MACF1: variants seen among roughly 807,000 people sequenced by gnomAD.
The protein encoded by MACF1 is microtubule actin crosslinking factor 1, also known as microtubule-actin cross-linking factor 1.
A neutral mutation model predicts 854.8 loss-of-function variants in MACF1; 193 were observed. The ratio of observed to expected loss-of-function variants is 0.23; its 90% CI spans 0.20 to 0.25. MACF1 has a LOEUF of 0.25. MACF1 is among the 10% of genes least tolerant of loss of function. MACF1 has a pLI of 1.00. For synonymous variants in MACF1, 3,185 were observed against 3,226.7 expected, an observed-to-expected ratio of 0.99 and a Z score of 0.44; for missense variants, 7,722 against 8,929.1, an observed-to-expected ratio of 0.86 and a Z score of 5.45.
At chr1:39,150,778 C>T (rs952081076) in intron 2 of MACF1, among the ~76,000 whole-genome samples, 2 of 152,208 alleles carry the variant, frequency 1.3e-5, no homozygotes, top group Admixed American at 6.5e-5. Flanking sequence ...ACTCCATTCT[C>T]CTTAAAAGTT....
In MACF1 at chr1:39,315,572, T is replaced by G; in HGVS notation, c.3330T>G (p.Cys1110Trp). The G allele has an allele frequency of 6.2e-7, 1 of 1,614,174 alleles. No individual in the cohort carries two copies. Among genetic ancestry groups the G allele is most frequent in the Non-Finnish European group, 8.5e-7 (1 of 1,180,016 alleles). Residue 1110 changes from cysteine to tryptophan, a missense_variant, in exon 27 of 101, where the codon TGT (cysteine) becomes TGG (tryptophan). Physicochemically the swap from Cys to Trp is radical, Grantham distance 215 (BLOSUM62 -2). Around this residue, in one of 15 missense-constraint regions of MACF1, gnomAD observed 1,137 missense variants for 1,263.0 expected, o/e 0.90. Coordinates refer to ENST00000564288, the MANE Select transcript of MACF1 (RefSeq NM_001394062.1). ...ACTTGGATGCAGTTTCTATGAAATG[T>G]GACAGCTTTCTCCATCAGTCTCCAT... ...RSDLDAVSMKCDSFLHQSPSS... is the reference protein window; with the variant it reads ...RSDLDAVSMKWDSFLHQSPSS...
At chr1:39,407,000 A>T (rs1446250880) in intron 58 of MACF1, among the ~76,000 whole-genome samples, 1 of 152,204 alleles carries the variant, frequency 6.6e-6, no homozygotes, top group Non-Finnish European at 1.5e-5. Context: ...TAAGTATCAG[A>T]TCTGTAAGCT....
intron 58 of MACF1, chr1:39,411,226 T>G: frequency 6.2e-7 from 1 of 1,613,586 alleles, no homozygotes; most frequent in Non-Finnish European, 8.5e-7. Flanking sequence ...TGAGCTAAAG[T>G]TTGAGGAGGA....
chr1:39,361,308 G>A, intron 48 of MACF1, 52 bp from the exon 49 acceptor site: 1 of 1,555,210 alleles, frequency 6.4e-7, no homozygotes, highest in Non-Finnish European at 8.8e-7. Context: ...TTGTGGCTCA[G>A]ATGTCCTGGA....
At chr1:39,190,887 G>A (rs936223861) in intron 2 of MACF1, among the ~76,000 whole-genome samples, 1 of 152,092 alleles carries the variant, frequency 6.6e-6, no homozygotes, top group African/African-American at 2.4e-5. Context: ...CAGCTACTTG[G>A]GAGGCTGAGG....
chr1:39,440,921 G>A, intron 72 of MACF1, 82 bp from the exon 73 acceptor site: 1 of 1,396,816 alleles, frequency 7.2e-7, no homozygotes, highest in Non-Finnish European at 1.0e-6. Flanking sequence ...TGCTATTGAT[G>A]GGGTATAAAT....
Position 39,435,599 on chromosome 1 carries a change from C to T in MACF1, c.17826C>T (p.Asp5942=). The change falls in exon 70 of 101, where the codon GAC becomes GAT. Residue 5942 remains aspartate (D), a synonymous_variant. Transcript: ENST00000564288. ...ESIAEHKPHI[D]KLLKIGPQLK... ...TTGCTGAACACAAACCTCATATTGA[C>T]AAACTACTAAAGATAGGCCCACAAC... 6.2e-7 allele frequency: 1 copy of T among 1,614,066 alleles called. No homozygotes were observed.
intron 2 of MACF1, among the ~76,000 whole-genome samples, chr1:39,120,172 C>CTGTGCTCGGCTGGTAGTACTGTTAAG (rs1557465630): frequency 2.6e-5 from 4 of 151,952 alleles, no homozygotes; most frequent in African/African-American, 9.7e-5. Context: ...GCGTGAGCCA[C>CTGTGCTCGGCTGGTAGTACTGTTAAG]CGCACCTGGC....
chr1:39,161,895 T>A (rs77742057), intron 2 of MACF1, among the ~76,000 whole-genome samples: 4 of 143,506 alleles, frequency 2.8e-5, no homozygotes, highest in Admixed American at 2.1e-4. Context: ...TAAAATAAAT[T>A]AAAAAAAAAA....
At chr1:39,213,884 A>T (rs754909087) in intron 1 of MACF1, among the ~76,000 whole-genome samples, 6 of 152,180 alleles carry the variant, frequency 3.9e-5, no homozygotes, top group Non-Finnish European at 8.8e-5. Flanking sequence ...CAGCTGTGAG[A>T]ACCTTTATTA....
At chr1:39,430,633 C>A (rs1643863621) in intron 65 of MACF1, 69 bp from the exon 66 acceptor site, 4 of 1,254,548 alleles carry the variant, frequency 3.2e-6, no homozygotes, top group Non-Finnish European at 3.5e-6. Context: ...ATAGCAATTT[C>A]CACCCAGCAC....
chr1:39,324,223 G>A lies in MACF1; in HGVS notation c.4267G>A (p.Val1423Met), dbSNP rs755887615. ...KVVEEEKQEH[V>M]EKVKELLGWV... ...GGTAGAAGAGGAGAAACAAGAACAT[G>A]TGGAGAAGGTTAAAGAACTTTTGGG... Residue 1423 changes from valine (V) to methionine (M), a missense_variant, in exon 34 of 101, where the codon GTG becomes ATG. Around this residue, in one of 15 missense-constraint regions of MACF1, gnomAD observed 1,137 missense variants for 1,263.0 expected, o/e 0.90. Transcript: ENST00000564288. The A allele has an allele frequency of 6.2e-7, 1 of 1,611,208 alleles. No homozygotes were observed. Among genetic ancestry groups the A allele is most frequent in the South Asian group, 1.1e-5 (1 of 90,602 alleles).
chr1:39,158,820 C>T (rs1174272970), intron 2 of MACF1, among the ~76,000 whole-genome samples: 2 of 152,264 alleles, frequency 1.3e-5, no homozygotes, highest in East Asian at 1.9e-4. Context: ...TCTCTGGTGA[C>T]GTCACTTGTA....
At chr1:39,475,153 A>G (rs574071307) in intron 97 of MACF1, among the ~76,000 whole-genome samples, 3 of 152,332 alleles carry the variant, frequency 2.0e-5, no homozygotes, top group Admixed American at 6.5e-5. Flanking sequence ...ATGCCAAGTT[A>G]AAGCTCTCCC....
chr1:39,153,226 C>G (rs1168902408), intron 2 of MACF1, among the ~76,000 whole-genome samples: 1 of 152,118 alleles, frequency 6.6e-6, no homozygotes, highest in African/African-American at 2.4e-5. Context: ...TGATCTTTTC[C>G]TAGGTCCTCA....
At chr1:39,421,336 AT>A (rs1269155656) in intron 58 of MACF1, among the ~76,000 whole-genome samples, 1 of 152,256 alleles carries the variant, frequency 6.6e-6, no homozygotes, top group African/African-American at 2.4e-5. Flanking sequence ...AACGTGGATA[AT>A]ACAGTATCAT....
At chr1:39,468,793 T>A in intron 96 of MACF1, 61 bp downstream of exon 96, 1 of 1,433,274 alleles carries the variant, frequency 7.0e-7, no homozygotes, top group Admixed American at 1.7e-5. Context: ...TGATCTTTTA[T>A]GCTTACAGGA....
At chr1:39,416,016 C>T (rs565712937) in intron 58 of MACF1, among the ~76,000 whole-genome samples, 1 of 152,332 alleles carries the variant, frequency 6.6e-6, no homozygotes, top group Non-Finnish European at 1.5e-5. Flanking sequence ...ATTCACCTCA[C>T]TGCAGAGCCT....
chr1:39,258,207 C>T lies in MACF1; in HGVS notation c.528+179C>T, dbSNP rs186674716. Among the ~76,000 whole-genome samples, 23 of 152,282 alleles carry T rather than the reference C, an allele frequency of 1.5e-4. No homozygotes were observed. In the East Asian group the frequency reaches 1.5e-3, roughly 10 times the overall value. On this transcript the variant is annotated intron_variant, in intron 6 of 100. Coordinates refer to ENST00000564288, the MANE Select transcript of MACF1 (RefSeq NM_001394062.1). ...TGCAGACAAGCTGTTGTATCGTAAACGCAAAACTTCCTAATTATTTGCTTA... is the reference window on the plus strand; with the variant it reads ...TGCAGACAAGCTGTTGTATCGTAAATGCAAAACTTCCTAATTATTTGCTTA...
Sources: gnomAD v4.1 joint callset for allele counts (sites outside exome capture counted in the v4.1 genomes callset) on GRCh38, gnomAD v4.1.1 for gene constraint, gnomAD v4.1.1 regional missense constraint, MANE v1.5 for transcripts, NCBI Gene and HGNC (gene_info 2026-07-23, HGNC 2026-07-21) for gene names.